MCU: variants seen among roughly 807,000 people sequenced by gnomAD.
MCU encodes the protein mitochondrial calcium uniporter.
MCU carries 12 observed loss-of-function variants against 45.2 expected under a neutral mutation model. The observed-to-expected ratio is 0.27, with a 90% CI of 0.17 to 0.43. The LOEUF (loss-of-function observed/expected upper bound fraction) is 0.43. MCU is among the 20% of genes least tolerant of loss of function. The pLI, the probability that MCU is intolerant of heterozygous loss-of-function variation, is 1.00. For synonymous variants in MCU, 160 were observed against 165.1 expected, an observed-to-expected ratio of 0.97 and a Z score of 0.24; for missense variants, 324 against 436.7, an observed-to-expected ratio of 0.74 and a Z score of 2.30.
In MCU at chr10:72,875,605, C is replaced by T. The variant is rs577713798; in HGVS notation, c.861+4025C>T. ...ATTACCTCTGAAGCAAATGCCTGTT[C>T]AATGGCATTTAAACTCTTCTAAACT... is the stretch of plus-strand genomic sequence containing the variant. On this transcript the variant is annotated intron_variant, in intron 6 of 7. Coordinates refer to ENST00000373053, the MANE Select transcript of MCU (RefSeq NM_138357.3). 2.6e-5 allele frequency among the ~76,000 whole-genome samples: 4 copies of T among 152,216 alleles called. No homozygotes were observed. In the South Asian group the frequency reaches 8.3e-4, roughly 32 times the overall value.
At chr10:72,733,273 A>G (rs1056769193) in intron 1 of MCU, among the ~76,000 whole-genome samples, 1 of 152,200 alleles carries the variant, frequency 6.6e-6, no homozygotes, top group Non-Finnish European at 1.5e-5. Flanking sequence ...CCTGGCCAAC[A>G]TGGTGAAACC....
At chr10:72,810,577 C>T (rs1844527063) in intron 1 of MCU, among the ~76,000 whole-genome samples, 1 of 149,328 alleles carries the variant, frequency 6.7e-6, no homozygotes, top group African/African-American at 2.5e-5. Flanking sequence ...AAGTGATTCT[C>T]CTGCCTCAGC....
At position 72,859,183 on chromosome 10, in the gene MCU, C is replaced by G. The variant is rs758942444; in HGVS notation, c.227C>G (p.Thr76Arg). ...CSTVVPSDDVTVVYQNGLPVI... is the reference protein window; with the variant it reads ...CSTVVPSDDVRVVYQNGLPVI... The stretch of plus-strand genomic sequence containing the variant: ...GTGGGTCTTTTTCATTCAGATGTTA[C>G]AGTGGTTTATCAAAATGGGTTACCT... The change falls in exon 3 of 8, where the codon ACA (threonine) becomes AGA (arginine). Residue 76 changes from threonine (T) to arginine (R), a missense_variant. By Grantham distance (71) the Thr-to-Arg change is moderately conservative. Around this residue, in one of 4 missense-constraint regions of MCU, gnomAD observed 111 missense variants for 112.3 expected, o/e 0.99. Coordinates refer to ENST00000373053, the MANE Select transcript of MCU (RefSeq NM_138357.3). 6.3e-6 allele frequency: 10 copies of G among 1,590,906 alleles called. No homozygotes were observed. Among genetic ancestry groups the G allele is most frequent in the South Asian group, 1.1e-5 (1 of 87,474 alleles).
chr10:72,796,687 G>GTT (rs1193797087), intron 1 of MCU, among the ~76,000 whole-genome samples: 2 of 112,376 alleles, frequency 1.8e-5, no homozygotes, highest in African/African-American at 2.7e-5. Context: ...CTACTTTTTA[G>GTT]TTTTTGTTTT....
At chr10:72,839,275 C>T (rs944798755) in intron 2 of MCU, among the ~76,000 whole-genome samples, 1 of 152,146 alleles carries the variant, frequency 6.6e-6, no homozygotes, top group Non-Finnish European at 1.5e-5. Context: ...CAGGGGTGAG[C>T]CACTGTGGCT....
intron 2 of MCU, among the ~76,000 whole-genome samples, chr10:72,837,844 T>A (rs1844976541): frequency 1.3e-5 from 2 of 151,182 alleles, no homozygotes; most frequent in South Asian, 2.1e-4. Flanking sequence ...TGAAAGGAGA[T>A]GCCCAATACT....
intron 1 of MCU, among the ~76,000 whole-genome samples, chr10:72,791,136 G>A (rs992224302): frequency 6.6e-6 from 1 of 152,278 alleles, no homozygotes; most frequent in East Asian, 1.9e-4. Flanking sequence ...GAGGTAACAA[G>A]TAGTGGCACA....
At chr10:72,725,611 G>A (rs1384425984) in intron 1 of MCU, among the ~76,000 whole-genome samples, 5 of 152,102 alleles carry the variant, frequency 3.3e-5, no homozygotes, top group East Asian at 3.9e-4. Flanking sequence ...AATGTAGGCC[G>A]GGTGCGGTGG....
chr10:72,736,149 A>G (rs1393413791), intron 1 of MCU, among the ~76,000 whole-genome samples: 2 of 152,150 alleles, frequency 1.3e-5, no homozygotes, highest in South Asian at 2.1e-4. Flanking sequence ...AAAACCCTCT[A>G]TTGACAGATT....
chr10:72,811,197 T>C (rs1308088707), intron 1 of MCU, among the ~76,000 whole-genome samples: 2 of 152,210 alleles, frequency 1.3e-5, no homozygotes, highest in Non-Finnish European at 2.9e-5. Context: ...GGCTATAAAA[T>C]AGTTGATAAG....
intron 2 of MCU, among the ~76,000 whole-genome samples, chr10:72,849,040 G>C (rs1845165472): frequency 6.6e-6 from 1 of 152,046 alleles, no homozygotes; most frequent in Non-Finnish European, 1.5e-5. Flanking sequence ...CAGCACTTTG[G>C]GAGGCCGAGA....
At chr10:72,714,787 G>GCC (rs60307111) in intron 1 of MCU, among the ~76,000 whole-genome samples, 5,676 of 150,830 alleles carry the variant, frequency 0.038, 368 homozygotes, top group African/African-American at 0.13. Flanking sequence ...CAGGTGATCT[G>GCC]CCCCCCCCTT....
intron 1 of MCU, among the ~76,000 whole-genome samples, chr10:72,765,470 G>T (rs1242484364): frequency 6.6e-6 from 1 of 151,794 alleles, no homozygotes; most frequent in East Asian, 1.9e-4. Context: ...TTCTATTATA[G>T]ATATTATTAA....
intron 1 of MCU, among the ~76,000 whole-genome samples, chr10:72,788,950 T>C (rs1844117492): frequency 6.6e-6 from 1 of 152,178 alleles, no homozygotes; most frequent in Non-Finnish European, 1.5e-5. Context: ...TTGACAACAG[T>C]CTAGAATGGA....
chr10:72,783,907 G>A (rs1844033104), intron 1 of MCU, among the ~76,000 whole-genome samples: 1 of 152,042 alleles, frequency 6.6e-6, no homozygotes, highest in South Asian at 2.1e-4. Flanking sequence ...TGACTCTTTA[G>A]TTTCAAAAGC....
chr10:72,719,233 T>C (rs1320659904), intron 1 of MCU, among the ~76,000 whole-genome samples: 6 of 152,246 alleles, frequency 3.9e-5, no homozygotes, highest in Non-Finnish European at 8.8e-5. Context: ...ATGAACCTTT[T>C]ATCTTAGAAT....
intron 1 of MCU, among the ~76,000 whole-genome samples, chr10:72,740,159 A>C (rs2132695475): frequency 6.6e-6 from 1 of 151,832 alleles, no homozygotes; most frequent in South Asian, 2.1e-4. Flanking sequence ...CGGTGGGCGG[A>C]TCACAAGGTC....
chr10:72,797,921 T>A (rs2132774928), intron 1 of MCU, among the ~76,000 whole-genome samples: 1 of 152,318 alleles, frequency 6.6e-6, no homozygotes, highest in African/African-American at 2.4e-5. Flanking sequence ...TCCATCTTAG[T>A]TGTGAATCAT....
chr10:72,824,103 T>C (rs1212282271), intron 1 of MCU, among the ~76,000 whole-genome samples: 1 of 151,952 alleles, frequency 6.6e-6, no homozygotes, highest in East Asian at 1.9e-4. Context: ...CTCCAATTAA[T>C]GGAATGTGAT....
Sources: gnomAD v4.1 joint callset for allele counts (sites outside exome capture counted in the v4.1 genomes callset) on GRCh38, gnomAD v4.1.1 for gene constraint, gnomAD v4.1.1 regional missense constraint, MANE v1.5 for transcripts, NCBI Gene and HGNC (gene_info 2026-07-23, HGNC 2026-07-21) for gene names.